Variants in SLC1A3 observed in about 807,000 individuals in gnomAD.
The protein encoded by SLC1A3 is solute carrier family 1 member 3.
Under a neutral mutation model 48.1 loss-of-function variants are expected in SLC1A3, and 21 were observed. The observed-to-expected ratio is 0.44, with a 90% CI of 0.31 to 0.63. SLC1A3 has a LOEUF of 0.63. SLC1A3 is among the 20% of genes least tolerant of loss of function. SLC1A3 has a pLI of 0.08. For missense variants in SLC1A3, 546 were observed against 689.0 expected (o/e 0.79, Z 2.32); for synonymous variants, 239 against 251.4 (o/e 0.95, Z 0.47).
At chr5:36,651,397 C>A (rs1376065293) in intron 3 of SLC1A3, among the ~76,000 whole-genome samples, 1 of 152,068 alleles carries the variant, frequency 6.6e-6, no homozygotes, top group African/African-American at 2.4e-5. Flanking sequence ...TTCTTACCTA[C>A]TTTTTTTGCA....
intron 3 of SLC1A3, among the ~76,000 whole-genome samples, chr5:36,648,665 C>T (rs1031978501): frequency 1.3e-5 from 2 of 152,178 alleles, no homozygotes; most frequent in African/African-American, 4.8e-5. Flanking sequence ...AATCCACATT[C>T]AAAAAGTGCA....
At chr5:36,652,281 AT>A (rs1311578711) in intron 3 of SLC1A3, among the ~76,000 whole-genome samples, 1 of 151,806 alleles carries the variant, frequency 6.6e-6, no homozygotes, top group Admixed American at 6.6e-5. Context: ...GGAAAGATTT[AT>A]TTTGGCACTC....
intron 3 of SLC1A3, among the ~76,000 whole-genome samples, chr5:36,670,218 A>AT (rs1741931386): frequency 1.3e-5 from 2 of 152,138 alleles, no homozygotes; most frequent in South Asian, 2.1e-4. Flanking sequence ...TTTCTCTAGG[A>AT]TGACACCTTG....
chr5:36,684,156 T>C (rs1315345796), intron 9 of SLC1A3, among the ~76,000 whole-genome samples, 158 bp downstream of exon 9: 1 of 152,250 alleles, frequency 6.6e-6, no homozygotes, highest in Non-Finnish European at 1.5e-5. Context: ...CCCTGGTCCT[T>C]ATCTGGAGAC....
intron 3 of SLC1A3, among the ~76,000 whole-genome samples, chr5:36,643,776 T>G (rs1740721962): frequency 6.6e-6 from 1 of 151,994 alleles, no homozygotes; most frequent in South Asian, 2.1e-4. Context: ...GGGTGGATCA[T>G]GAGGTCAAGA....
At chr5:36,676,546 A>T (rs1742214425) in intron 5 of SLC1A3, among the ~76,000 whole-genome samples, 1 of 152,208 alleles carries the variant, frequency 6.6e-6, no homozygotes, top group Non-Finnish European at 1.5e-5. Flanking sequence ...TCATTTTATT[A>T]GGGTTTCAGA....
chr5:36,599,738 C>T (rs947400343), intron 1 of SLC1A3, among the ~76,000 whole-genome samples: 14 of 151,786 alleles, frequency 9.2e-5, no homozygotes, highest in African/African-American at 3.1e-4. Context: ...GTACTCCTGA[C>T]CTTGTGATCC....
intron 3 of SLC1A3, among the ~76,000 whole-genome samples, chr5:36,650,409 C>T (rs1741014048): frequency 6.6e-6 from 1 of 152,150 alleles, no homozygotes; most frequent in Admixed American, 6.5e-5. Context: ...TCTTTTCTTT[C>T]TCTTTTCACA....
chr5:36,685,496 G>A (rs930819008), intron 9 of SLC1A3, among the ~76,000 whole-genome samples: 22 of 152,258 alleles, frequency 1.4e-4, no homozygotes, highest in Non-Finnish European at 2.5e-4. Flanking sequence ...GGCTGGTCTC[G>A]AACTCCTGAC....
At chr5:36,635,015 G>A (rs1274273221) in intron 3 of SLC1A3, among the ~76,000 whole-genome samples, 2 of 152,014 alleles carry the variant, frequency 1.3e-5, no homozygotes, top group Non-Finnish European at 2.9e-5. Flanking sequence ...AAAATGAGTC[G>A]AAATCACTTA....
chr5:36,604,890 C>CAA (rs745781952), upstream of SLC1A3, among the ~76,000 whole-genome samples: 1 of 78,488 alleles, frequency 1.3e-5, no homozygotes, highest in African/African-American at 4.7e-5. Flanking sequence ...TCATTTCCAC[C>CAA]AAAAAAAAAA....
At chr5:36,663,956 T>C (rs1220734426) in intron 3 of SLC1A3, among the ~76,000 whole-genome samples, 1 of 152,206 alleles carries the variant, frequency 6.6e-6, no homozygotes, top group East Asian at 1.9e-4. Context: ...CTTGTTACAA[T>C]GTCCATAAAA....
At chr5:36,659,036 A>T (rs544555366) in intron 3 of SLC1A3, among the ~76,000 whole-genome samples, 1 of 152,274 alleles carries the variant, frequency 6.6e-6, no homozygotes, top group South Asian at 2.1e-4. Flanking sequence ...CATGACTTTA[A>T]GCAGATTACT....
rs1340195667 is a variant in SLC1A3 at position 36,688,002 on chromosome 5, C to T, written c.*1733C>T. Reference sequence around the variant, plus strand: ...CAATTAGAGATATTTTTATATAGACCCCAAGCATTCTGTGCATAAAAGTTA... The same window carrying T: ...CAATTAGAGATATTTTTATATAGACTCCAAGCATTCTGTGCATAAAAGTTA... On this transcript the variant is annotated 3_prime_UTR_variant, in exon 10 of 10. Coordinates refer to ENST00000265113, the MANE Select transcript of SLC1A3 (RefSeq NM_004172.5). 1.3e-5 allele frequency: 2 copies of T among 152,072 alleles called. No individual in the cohort carries two copies. The highest frequency in any genetic ancestry group is 2.4e-5 in the African/African-American group (1 of 41,400). The allele number at this position is 152,072 out of a possible 1,614,324, so 9.4% of individuals were successfully genotyped here. A position where few individuals can be genotyped will look rare whatever the true frequency, so the allele number is the denominator to read the frequency against.
chr5:36,645,930 C>G (rs3776572), intron 3 of SLC1A3, among the ~76,000 whole-genome samples: 89,591 of 152,082 alleles, frequency 0.59, 27,949 homozygotes, highest in Non-Finnish European at 0.69. Flanking sequence ...CAGATTATTG[C>G]TCATTTTTAT....
intron 2 of SLC1A3, among the ~76,000 whole-genome samples, chr5:36,628,828 T>G (rs1225768929): frequency 1.3e-5 from 2 of 152,242 alleles, no homozygotes; most frequent in Non-Finnish European, 2.9e-5. Flanking sequence ...AAATCTCTGC[T>G]CATTTTGGAG....
chr5:36,651,146 A>T (rs1299173311), intron 3 of SLC1A3, among the ~76,000 whole-genome samples: 149 of 46,026 alleles, frequency 3.2e-3, no homozygotes, highest in South Asian at 0.019. Context: ...TTTTTTAAAA[A>T]AAAAAAAAAA....
rs117295512 is a variant in SLC1A3 at position 36,679,711 on chromosome 5, C to T, written c.945C>T (p.Ala315=). The part of the protein sequence containing the change: ...EDMGVIGGQL[A]MYTVTVIVGL... ...TGGGTGTGATTGGGGGGCAGCTTGC[C>T]ATGTACACCGTGACTGTCATTGTTG... The change falls in exon 7 of 10, where the codon GCC becomes GCT. Residue 315 remains alanine, a synonymous_variant. Coordinates refer to ENST00000265113, the MANE Select transcript of SLC1A3 (RefSeq NM_004172.5). 2.4e-4 allele frequency: 390 copies of T among 1,614,100 alleles called. 2 individuals carry two copies. The East Asian group carries it at 8.1e-3, about 34-fold the overall frequency.
At chr5:36,652,414 G>A (rs1170860723) in intron 3 of SLC1A3, among the ~76,000 whole-genome samples, 3 of 152,132 alleles carry the variant, frequency 2.0e-5, no homozygotes, top group East Asian at 3.9e-4. Flanking sequence ...TTGAGTTTGC[G>A]CTACAGCAGA....
Sources: gnomAD v4.1 joint callset for allele counts (sites outside exome capture counted in the v4.1 genomes callset) on GRCh38, gnomAD v4.1.1 for gene constraint, MANE v1.5 for transcripts, NCBI Gene and HGNC (gene_info 2026-07-23, HGNC 2026-07-21) for gene names.